IPO11: variants seen among roughly 807,000 people sequenced by gnomAD.
IPO11 encodes the protein importin 11.
A neutral mutation model predicts 143.2 loss-of-function variants in IPO11; 66 were observed. The ratio of observed to expected loss-of-function variants is 0.46; its 90% CI spans 0.38 to 0.57. IPO11 has a LOEUF of 0.57. Among genes scored for constraint, IPO11 ranks in the 20% least tolerant of loss-of-function variants. The pLI is 0.00. For synonymous variants in IPO11, 385 were observed against 377.8 expected (o/e 1.02, Z -0.22); for missense variants, 1,026 against 1,141.0 (o/e 0.90, Z 1.45).
intron 24 of IPO11, among the ~76,000 whole-genome samples, chr5:62,548,862 C>G (rs914284075): frequency 6.6e-5 from 10 of 152,004 alleles, no homozygotes; most frequent in African/African-American, 2.4e-4. Context: ...TCTCATTCCT[C>G]TTGTCTTTTT....
intron 28 of IPO11, among the ~76,000 whole-genome samples, chr5:62,592,292 T>A (rs1378010566): frequency 6.6e-6 from 1 of 152,230 alleles, no homozygotes. Flanking sequence ...ATGCTCTTTT[T>A]TTTTCAGTTT....
chr5:62,580,508 A>G lies in IPO11; in HGVS notation c.2583-11069A>G, dbSNP rs1005659200. ...TCTTCATTGATTCATCTTCAGGCAA[A>G]TTCTAATCCTTGGGAATGTAACTGC... On this transcript the variant is annotated intron_variant, in intron 27 of 29. Transcript: ENST00000325324. 61 of 1,551,422 alleles carry G rather than the reference A, an allele frequency of 3.9e-5. No individual in the cohort carries two copies. In the African/African-American group the frequency reaches 7.7e-4, roughly 19 times the overall value.
At chr5:62,575,949 G>A (rs941916287) in intron 27 of IPO11, 1 of 152,140 alleles carries the variant, frequency 6.6e-6, no homozygotes. Flanking sequence ...CCTTTCATTA[G>A]TTTAAATCTT....
At chr5:62,595,530 G>T (rs1160801034) in intron 28 of IPO11, among the ~76,000 whole-genome samples, 1 of 152,090 alleles carries the variant, frequency 6.6e-6, no homozygotes, top group African/African-American at 2.4e-5. Flanking sequence ...GAAAAAAATG[G>T]AAATGGGCTT....
At position 62,479,036 on chromosome 5, in the gene IPO11, A is replaced by G. The variant is rs115122102; in HGVS notation, c.828+2283A>G. Among the ~76,000 whole-genome samples, 1,204 of 152,270 alleles carry G rather than the reference A, an allele frequency of 7.9e-3. 20 individuals are homozygous for G. The highest frequency in any genetic ancestry group is 0.027 in the African/African-American group (1,140 of 41,532). On this transcript the variant is annotated intron_variant, in intron 9 of 29. Transcript: ENST00000325324. ...TGTGCCATGTTGATTGGCTGCACCA[A>G]TTAACTTGTTATTTGCATTAGGTAT...
Position 62,515,518 on chromosome 5 carries a change from CAG to C in IPO11, c.1896+20_1896+21del, listed in dbSNP as rs1741983955. On this transcript the variant is annotated intron_variant, in intron 20 of 29. Coordinates refer to ENST00000325324, the MANE Select transcript of IPO11 (RefSeq NM_016338.5). ...CTTGTTCAGGTAAGTCACTTCTCCA[CAG>C]AGTTTTTTTAGTTTAGTGGTTTTTA... 6.6e-7 allele frequency: 1 copy of C among 1,524,034 alleles called. No homozygotes were observed. The highest frequency in any genetic ancestry group is 8.9e-7 in the Non-Finnish European group (1 of 1,122,590). 94.4% of individuals were successfully genotyped at this position (1,524,034 alleles called of 1,614,324 possible). A position where few individuals can be genotyped will look rare whatever the true frequency, so the allele number is the denominator to read the frequency against.
intron 9 of IPO11, among the ~76,000 whole-genome samples, 186 bp downstream of exon 9, chr5:62,476,939 A>C (rs1053309605): frequency 2.6e-5 from 4 of 152,214 alleles, no homozygotes; most frequent in African/African-American, 9.6e-5. Flanking sequence ...TTAAATTTAC[A>C]TACCATGTGT....
intron 27 of IPO11, among the ~76,000 whole-genome samples, chr5:62,571,188 G>A (rs1744121468): frequency 6.6e-6 from 1 of 151,910 alleles, no homozygotes; most frequent in Admixed American, 6.6e-5. Flanking sequence ...TTATTTTTTG[G>A]AGATTCTTTT....
chr5:62,625,306 A>C (rs1318451122), intron 29 of IPO11, among the ~76,000 whole-genome samples: 2 of 152,256 alleles, frequency 1.3e-5, no homozygotes, highest in African/African-American at 4.8e-5. Context: ...AGCATATGTC[A>C]AAAGGCTGTC....
intron 27 of IPO11, among the ~76,000 whole-genome samples, chr5:62,574,298 C>T (rs115527992): frequency 6.6e-6 from 1 of 152,146 alleles, no homozygotes; most frequent in African/African-American, 2.4e-5. Context: ...ACTCCCTCCT[C>T]TCTTCTTCTG....
At chr5:62,586,362 A>G (rs1020629610) in intron 27 of IPO11, among the ~76,000 whole-genome samples, 1 of 152,092 alleles carries the variant, frequency 6.6e-6, no homozygotes, top group Non-Finnish European at 1.5e-5. Flanking sequence ...ATTCCCTTTG[A>G]TCATGTAACA....
chr5:62,577,012 A>C (rs1744337612), intron 27 of IPO11, among the ~76,000 whole-genome samples: 1 of 152,244 alleles, frequency 6.6e-6, no homozygotes, highest in African/African-American at 2.4e-5. Flanking sequence ...TTTCCTGGAA[A>C]GAAATAGAAG....
chr5:62,471,495 ATCAT>A (rs1281922361), intron 7 of IPO11, among the ~76,000 whole-genome samples: 1 of 152,198 alleles, frequency 6.6e-6, no homozygotes, highest in Non-Finnish European at 1.5e-5. Flanking sequence ...AAACTAAAAA[ATCAT>A]TCATAATCTT....
intron 5 of IPO11, among the ~76,000 whole-genome samples, chr5:62,461,313 C>T (rs551265324): frequency 6.6e-6 from 1 of 152,266 alleles, no homozygotes; most frequent in African/African-American, 2.4e-5. Flanking sequence ...GCCAAACTGA[C>T]CTAATAGGAT....
At chr5:62,424,431 G>A (rs112351724) in intron 1 of IPO11, among the ~76,000 whole-genome samples, 29 of 150,894 alleles carry the variant, frequency 1.9e-4, no homozygotes, top group African/African-American at 7.1e-4. Flanking sequence ...GAGCCATCGC[G>A]CCTGGCTCAG....
intron 27 of IPO11, among the ~76,000 whole-genome samples, chr5:62,584,821 C>T (rs1284967525): frequency 6.6e-6 from 1 of 151,508 alleles, no homozygotes; most frequent in African/African-American, 2.4e-5. Flanking sequence ...TGTGGCCGCA[C>T]ACTTTTAATG....
rs1211473762 is a variant in IPO11 at position 62,627,095 on chromosome 5, C to G, written c.2764-59C>G. On this transcript the variant is annotated intron_variant, in intron 29 of 29. Coordinates refer to ENST00000325324, the MANE Select transcript of IPO11 (RefSeq NM_016338.5). ...GATTACAAAGAACTTTTGTAAATTG[C>G]AGGTAGGAGAGACTTGTTTTGCTTT... 2.7e-6 allele frequency: 4 copies of G among 1,456,746 alleles called. No individual in the cohort carries two copies. The South Asian group carries it at 5.6e-5, about 20-fold the overall frequency. 90.2% of individuals were successfully genotyped at this position (1,456,746 alleles called of 1,614,324 possible).
intron 25 of IPO11, among the ~76,000 whole-genome samples, chr5:62,550,737 C>G (rs1743360207): frequency 6.6e-6 from 1 of 152,030 alleles, no homozygotes; most frequent in Non-Finnish European, 1.5e-5. Flanking sequence ...CAATGCTTGA[C>G]TACTAAGAAT....
At chr5:62,569,576 A>G (rs1001307807) in intron 27 of IPO11, among the ~76,000 whole-genome samples, 7 of 152,154 alleles carry the variant, frequency 4.6e-5, no homozygotes, top group African/African-American at 9.7e-5. Context: ...ATCTGATTAT[A>G]TAGTAATTTG....
Sources: gnomAD v4.1 joint callset for allele counts (sites outside exome capture counted in the v4.1 genomes callset) on GRCh38, gnomAD v4.1.1 for gene constraint, MANE v1.5 for transcripts, NCBI Gene and HGNC (gene_info 2026-07-23, HGNC 2026-07-21) for gene names.